The following ARMH3 variants were observed in gnomAD, a reference collection of about 807,000 sequenced individuals.
ARMH3 encodes armadillo like helical domain containing 3.
ARMH3 carries 60 observed loss-of-function variants against 99.1 expected under a neutral mutation model. The ratio of observed to expected loss-of-function variants is 0.61; its 90% CI spans 0.49 to 0.75. The LOEUF is 0.75. Among genes scored for constraint, ARMH3 ranks in the 30% least tolerant of loss-of-function variants. The probability of loss-of-function intolerance (pLI) is 0.00; values close to 1 mark genes in which losing one functional copy is unlikely to be tolerated. For synonymous variants in ARMH3, 285 were observed against 292.8 expected (o/e 0.97, Z 0.27); for missense variants, 679 against 843.1 (o/e 0.81, Z 2.41).
Position 102,036,224 on chromosome 10 carries a change from G to A in ARMH3, c.103-2885C>T, listed in dbSNP as rs529344898. Among the ~76,000 whole-genome samples, 18 of 147,054 alleles carry A rather than the reference G, an allele frequency of 1.2e-4. No homozygotes were observed. In the South Asian group the frequency reaches 3.3e-3, roughly 27 times the overall value. ...GGAGGGAAGTGGGGGGTCAGCCCCC[G>A]CCCGGCCAGCCGCCCCGTCCGGGAG... is the stretch of plus-strand genomic sequence containing the variant. On this transcript the variant is annotated intron_variant, in intron 2 of 25. Transcript: ENST00000370033.
intron 24 of ARMH3, among the ~76,000 whole-genome samples, chr10:101,868,987 G>A (rs1207083034): frequency 1.3e-5 from 2 of 151,230 alleles, no homozygotes; most frequent in East Asian, 2.0e-4. Context: ...CACAAGAATC[G>A]TTTGAACCCG....
intron 22 of ARMH3, among the ~76,000 whole-genome samples, chr10:101,950,730 T>A (rs1401632937): frequency 2.6e-5 from 4 of 152,212 alleles, no homozygotes; most frequent in Non-Finnish European, 5.9e-5. Flanking sequence ...TTCATTTATA[T>A]AAAATGTCCA....
At chr10:101,861,877 CAAAAAAAAAAAA>C (rs36095929) in intron 24 of ARMH3, among the ~76,000 whole-genome samples, 1 of 94,008 alleles carries the variant, frequency 1.1e-5, no homozygotes, top group Non-Finnish European at 2.1e-5. Flanking sequence ...CTAAAAATAC[CAAAAAAAAAAAA>C]AAAAAAAAAA....
chr10:101,976,648 T>C lies in ARMH3; in HGVS notation c.1407-1348A>G, dbSNP rs1846026255. Reference sequence around the variant, plus strand: ...CACAAAAGTAAAGACCTTAACTCTCTGTATCTATCTGAATGTGGTTTTTAT... The same window carrying C: ...CACAAAAGTAAAGACCTTAACTCTCCGTATCTATCTGAATGTGGTTTTTAT... On this transcript the variant is annotated intron_variant, in intron 19 of 25. Coordinates refer to ENST00000370033, the MANE Select transcript of ARMH3 (RefSeq NM_024541.3). Among the ~76,000 whole-genome samples, 2 of 152,256 alleles carry C rather than the reference T, an allele frequency of 1.3e-5. 1 individual carries two copies. Among genetic ancestry groups the C allele is most frequent in the East Asian group, 3.9e-4 (2 of 5,190 alleles).
At position 102,029,721 on chromosome 10, in the gene ARMH3, C is replaced by T. The variant is rs1256818825; in HGVS notation, c.331G>A (p.Val111Ile). ...LQTLCALIRG[V>I]HQKNKSTSGF... ...GAGGTAGACTTATTCTTTTGATGGA[C>T]TCCTCGAATGAGTGCGCACAGGGTC... Residue 111 changes from valine to isoleucine, a missense_variant, in exon 5 of 26, where the codon GTC (valine) becomes ATC (isoleucine). Val to Ile is a conservative substitution (Grantham distance 29). Around this residue, in one of 3 missense-constraint regions of ARMH3, gnomAD observed 280 missense variants for 354.6 expected, o/e 0.79. Coordinates refer to ENST00000370033, the MANE Select transcript of ARMH3 (RefSeq NM_024541.3). 6.2e-7 allele frequency: 1 copy of T among 1,613,952 alleles called. No homozygotes were observed. Among genetic ancestry groups the T allele is most frequent in the Non-Finnish European group, 8.5e-7 (1 of 1,180,014 alleles).
At chr10:101,918,151 T>G (rs978248622) in intron 23 of ARMH3, among the ~76,000 whole-genome samples, 3 of 152,144 alleles carry the variant, frequency 2.0e-5, no homozygotes, top group Non-Finnish European at 4.4e-5. Flanking sequence ...CCTCCCGGCT[T>G]CAGGCGATTC....
intron 23 of ARMH3, among the ~76,000 whole-genome samples, chr10:101,903,413 G>A (rs1034141624): frequency 1.3e-5 from 2 of 152,136 alleles, no homozygotes; most frequent in Non-Finnish European, 2.9e-5. Context: ...AGACACACAC[G>A]ACAGACAGAT....
Position 101,956,742 on chromosome 10 carries a change from C to A in ARMH3, c.1579-19G>T, listed in dbSNP as rs368670935. The stretch of plus-strand genomic sequence containing the variant: ...TCACAATCTAAAAAAGAAGGAAAGG[C>A]CCATATATAGGCATCAGGCTATGAA... On this transcript the variant is annotated intron_variant, in intron 21 of 25. Coordinates refer to ENST00000370033, the MANE Select transcript of ARMH3 (RefSeq NM_024541.3). 103 of 1,611,094 alleles carry A rather than the reference C, an allele frequency of 6.4e-5. No individual in the cohort carries two copies. Among genetic ancestry groups the A allele is most frequent in the Non-Finnish European group, 8.1e-5 (95 of 1,178,148 alleles).
intron 1 of ARMH3, among the ~76,000 whole-genome samples, chr10:102,041,070 GTGTA>G (rs2067398639): frequency 7.9e-6 from 1 of 127,030 alleles, no homozygotes; most frequent in African/African-American, 2.8e-5. Context: ...ATTTAATTGT[GTGTA>G]CATATATATA....
In ARMH3 at chr10:101,873,935, C is replaced by T. The variant is rs536617840; in HGVS notation, c.1860+15477G>A. Among the ~76,000 whole-genome samples the T allele has an allele frequency of 6.6e-5, 10 of 152,150 alleles. No homozygotes were observed. The South Asian group carries it at 1.0e-3, about 16-fold the overall frequency. On this transcript the variant is annotated intron_variant, in intron 24 of 25. Transcript: ENST00000370033. ...ACTTTTTGGTCATCCTAAATAATACCGCTATGAACATCTGTGTACAGATCT... is the reference window on the plus strand; with the variant it reads ...ACTTTTTGGTCATCCTAAATAATACTGCTATGAACATCTGTGTACAGATCT...
chr10:101,849,997 C>T, intron 24 of ARMH3, 105 bp from the exon 25 acceptor site: 1 of 885,198 alleles, frequency 1.1e-6, no homozygotes, highest in East Asian at 2.6e-5. Flanking sequence ...TGACAACACC[C>T]CCAAGAAACC....
intron 24 of ARMH3, among the ~76,000 whole-genome samples, chr10:101,858,371 G>C (rs2066782416): frequency 6.6e-6 from 1 of 152,148 alleles, no homozygotes; most frequent in South Asian, 2.1e-4. Context: ...CTTTAAAGTG[G>C]AAATACTAAT....
chr10:101,864,836 A>G (rs1027062629), intron 24 of ARMH3, among the ~76,000 whole-genome samples: 1 of 152,134 alleles, frequency 6.6e-6, no homozygotes, highest in Admixed American at 6.5e-5. Flanking sequence ...GCACATGTAT[A>G]CATATGTAAC....
intron 25 of ARMH3, among the ~76,000 whole-genome samples, chr10:101,849,493 G>A (rs2066536807): frequency 6.6e-6 from 1 of 152,216 alleles, no homozygotes. Context: ...GACAGGTTAA[G>A]GAATAATGAG....
chr10:101,935,190 T>C (rs1421082388), intron 23 of ARMH3, among the ~76,000 whole-genome samples: 2 of 147,106 alleles, frequency 1.4e-5, no homozygotes, highest in Non-Finnish European at 3.0e-5. Context: ...TATATATATA[T>C]ATATATATAC....
chr10:101,913,946 C>T (rs962848862), intron 23 of ARMH3, among the ~76,000 whole-genome samples: 1 of 152,194 alleles, frequency 6.6e-6, no homozygotes, highest in African/African-American at 2.4e-5. Flanking sequence ...TGGCCTTCAG[C>T]TGTTCCTCCA....
At chr10:101,918,260 G>T (rs191683865) in intron 23 of ARMH3, among the ~76,000 whole-genome samples, 1 of 152,086 alleles carries the variant, frequency 6.6e-6, no homozygotes, top group African/African-American at 2.4e-5. Flanking sequence ...CACCATGTTG[G>T]CCAGGCTGGT....
intron 23 of ARMH3, among the ~76,000 whole-genome samples, chr10:101,918,236 T>C (rs1843161492): frequency 6.6e-6 from 1 of 152,154 alleles, no homozygotes; most frequent in African/African-American, 2.4e-5. Context: ...GTATTTTTAG[T>C]AGAGACGGGG....
At chr10:102,047,734 C>A (rs2067590851) in intron 1 of ARMH3, among the ~76,000 whole-genome samples, 1 of 152,068 alleles carries the variant, frequency 6.6e-6, no homozygotes, top group Admixed American at 6.6e-5. Flanking sequence ...AGTGATCTGC[C>A]CACTTGGCCT....
Sources: allele counts gnomAD v4.1 joint callset (sites outside exome capture counted in the v4.1 genomes callset), GRCh38; gene constraint gnomAD v4.1.1; regional missense constraint gnomAD v4.1.1; transcripts MANE v1.5; gene names NCBI Gene and HGNC (gene_info 2026-07-23, HGNC 2026-07-21).